Variants in FAM76A observed in about 807,000 individuals in gnomAD.
FAM76A encodes family with sequence similarity 76 member A, also known as protein FAM76A.
A neutral mutation model predicts 46.2 loss-of-function variants in FAM76A; 32 were observed. The ratio of observed to expected loss-of-function variants is 0.69; its 90% CI spans 0.52 to 0.93. The LOEUF (loss-of-function observed/expected upper bound fraction) is 0.93. Ranked by LOEUF, FAM76A falls within the 40% of genes least tolerant of loss-of-function variation. FAM76A has a pLI of 0.00. For missense variants in FAM76A, 274 were observed against 361.5 expected (o/e 0.76, Z 1.96); for synonymous variants, 137 against 127.0 (o/e 1.08, Z -0.53).
rs762443177 is a variant in FAM76A at position 27,744,704 on chromosome 1, C to T, written c.405C>T (p.Val135=). The T allele has an allele frequency of 3.9e-5, 63 of 1,614,038 alleles. No individual in the cohort carries two copies. The South Asian group carries it at 6.3e-4, about 16-fold the overall frequency. The stretch of plus-strand genomic sequence containing the variant: ...TGTGCACACTTTCATACAAACGGGT[C>T]CTTCAGAAGACCAAAGAGCAGAGGA... ...CWLCTLSYKR[V]LQKTKEQRKH... The change falls in exon 5 of 9, where the codon GTC becomes GTT. Residue 135 remains valine (V), a synonymous_variant. Transcript: ENST00000373954.
chr1:27,748,064 C>T (rs1289363297), intron 5 of FAM76A, among the ~76,000 whole-genome samples: 1 of 150,768 alleles, frequency 6.6e-6, no homozygotes, highest in Non-Finnish European at 1.5e-5. Context: ...GAAATAATAA[C>T]TTATCTATAC....
At chr1:27,736,717 A>G (rs2088051592) in intron 4 of FAM76A, among the ~76,000 whole-genome samples, 1 of 151,966 alleles carries the variant, frequency 6.6e-6, no homozygotes, top group Non-Finnish European at 1.5e-5. Context: ...CCTCCAGAGC[A>G]GCTGGGATTA....
chr1:27,760,053 G>A (rs575900320), intron 8 of FAM76A: 53 of 454,560 alleles, frequency 1.2e-4, no homozygotes, highest in African/African-American at 6.8e-4. Flanking sequence ...GATTACAGGC[G>A]TGAGCCACCA....
At chr1:27,732,310 A>G (rs1347053230) in intron 2 of FAM76A, among the ~76,000 whole-genome samples, 1 of 152,118 alleles carries the variant, frequency 6.6e-6, no homozygotes, top group East Asian at 1.9e-4. Context: ...CGCGCCTATG[A>G]TTCCAGCTAC....
At chr1:27,727,399 C>A in intron 1 of FAM76A, 73 bp from the exon 2 acceptor site, 1 of 1,208,660 alleles carries the variant, frequency 8.3e-7, no homozygotes. Flanking sequence ...AAATAGTACC[C>A]AGGTCGGCTT....
rs1028890815 is a variant in FAM76A at position 27,740,169 on chromosome 1, C to A, written c.355-4485C>A. The A allele has an allele frequency of 2.0e-5, 11 of 543,272 alleles. No individual in the cohort carries two copies. The Admixed American group carries it at 2.7e-4, about 13-fold the overall frequency. 33.7% of individuals were successfully genotyped at this position (543,272 alleles called of 1,614,324 possible). A position where few individuals can be genotyped will look rare whatever the true frequency, so the allele number is the denominator to read the frequency against. On this transcript the variant is annotated intron_variant, in intron 4 of 8. Coordinates refer to ENST00000373954, the MANE Select transcript of FAM76A (RefSeq NM_152660.3). The stretch of plus-strand genomic sequence containing the variant: ...TGACATACATGTGATGGTGTCCAAG[C>A]TGGAACAGTGGGTAAAATCAATAGC...
chr1:27,753,199 A>T (rs558036676), intron 6 of FAM76A, among the ~76,000 whole-genome samples: 1 of 152,278 alleles, frequency 6.6e-6, no homozygotes, highest in East Asian at 1.9e-4. Flanking sequence ...AAGAGAAAAG[A>T]GAGAGTTAGT....
intron 4 of FAM76A, among the ~76,000 whole-genome samples, chr1:27,736,346 A>G (rs1056166978): frequency 2.0e-5 from 3 of 152,110 alleles, no homozygotes; most frequent in Non-Finnish European, 4.4e-5. Context: ...CGGGGAGGGT[A>G]TCTGGACTCA....
chr1:27,731,273 G>A (rs553740673), intron 2 of FAM76A, among the ~76,000 whole-genome samples: 2 of 138,398 alleles, frequency 1.4e-5, no homozygotes, highest in East Asian at 4.3e-4. Flanking sequence ...GCGCAATCTT[G>A]GCTCACTGCA....
rs1393003821 is a variant in FAM76A, at chr1:27,760,381, A to C, written c.838-114A>C. The stretch of plus-strand genomic sequence containing the variant: ...TTGTTTTCCACCTCTAGAATTGTTC[A>C]TCTCTTTCTGACCCTCCACATTGTC... On this transcript the variant is annotated intron_variant, in intron 8 of 8. Coordinates refer to ENST00000373954, the MANE Select transcript of FAM76A (RefSeq NM_152660.3). 3 of 747,618 alleles carry C rather than the reference A, an allele frequency of 4.0e-6. No homozygotes were observed. The East Asian group carries it at 9.7e-5, about 24-fold the overall frequency. 46.3% of individuals were successfully genotyped at this position (747,618 alleles called of 1,614,324 possible). A position where few individuals can be genotyped will look rare whatever the true frequency, so the allele number is the denominator to read the frequency against.
chr1:27,727,762 A>G (rs551419104), intron 2 of FAM76A, among the ~76,000 whole-genome samples: 5 of 150,290 alleles, frequency 3.3e-5, no homozygotes, highest in Admixed American at 1.3e-4. Flanking sequence ...TATATAATAC[A>G]TGTATTGTTT....
At chr1:27,739,577 A>G (rs1006601353) in intron 4 of FAM76A, 10 of 314,982 alleles carry the variant, frequency 3.2e-5, no homozygotes, top group Non-Finnish European at 6.1e-5. Flanking sequence ...ACTTGAGCCC[A>G]GGAGTTGGAG....
Position 27,734,537 on chromosome 1 carries a change from ACT to A in FAM76A, c.354+357_354+358del, listed in dbSNP as rs747959140. ...ACTCCAGCCTGAGTGACAGAGCAAG[ACT>A]CTATCTCAAAACAAAAAAACAAAAA... On this transcript the variant is annotated intron_variant, in intron 4 of 8. Transcript: ENST00000373954. Among the ~76,000 whole-genome samples the A allele has an allele frequency of 2.6e-5, 4 of 152,262 alleles. No individual in the cohort carries two copies. In the South Asian group the frequency reaches 6.2e-4, roughly 24 times the overall value.
intron 4 of FAM76A, among the ~76,000 whole-genome samples, chr1:27,738,498 ATAT>A (rs2088095094): frequency 6.6e-6 from 1 of 151,740 alleles, no homozygotes; most frequent in Non-Finnish European, 1.5e-5. Context: ...AATAATAATA[ATAT>A]TAATAATAAT....
Position 27,760,665 on chromosome 1 carries a change from C to A in FAM76A, c.*84C>A. 2 of 918,910 alleles carry A rather than the reference C, an allele frequency of 2.2e-6. No individual in the cohort carries two copies. Among genetic ancestry groups the A allele is most frequent in the Non-Finnish European group, 3.3e-6 (2 of 606,404 alleles). 56.9% of individuals were successfully genotyped at this position (918,910 alleles called of 1,614,324 possible). A position where few individuals can be genotyped will look rare whatever the true frequency, so the allele number is the denominator to read the frequency against. ...AGACCTGGCTGTTCTGTGGGAATTG[C>A]AAGCTTTCTTAAGAAATCTCTATTT... On this transcript the variant is annotated 3_prime_UTR_variant, in exon 9 of 9. Coordinates refer to ENST00000373954, the MANE Select transcript of FAM76A (RefSeq NM_152660.3).
At chr1:27,744,531 C>A in intron 4 of FAM76A, 123 bp from the exon 5 acceptor site, 1 of 1,000,368 alleles carries the variant, frequency 1.0e-6, no homozygotes, top group Non-Finnish European at 1.5e-6. Flanking sequence ...TGTGACATGC[C>A]CAAAGTCACA....
chr1:27,738,193 C>G, intron 4 of FAM76A, among the ~76,000 whole-genome samples: 1 of 151,816 alleles, frequency 6.6e-6, no homozygotes. Flanking sequence ...GACTTTGTCT[C>G]TAAAAAAATA....
Position 27,732,619 on chromosome 1 carries a change from T to A in FAM76A, c.163T>A (p.Cys55Ser). 6.2e-7 allele frequency: 1 copy of A among 1,609,304 alleles called. No individual in the cohort carries two copies. The highest frequency in any genetic ancestry group is 8.5e-7 in the Non-Finnish European group (1 of 1,176,466). The change falls in exon 3 of 9, where the codon TGC (cysteine) becomes AGC (serine). Residue 55 changes from cysteine to serine, a missense_variant. Physicochemically the swap from Cys to Ser is moderately radical, Grantham distance 112. Coordinates refer to ENST00000373954, the MANE Select transcript of FAM76A (RefSeq NM_152660.3). ...CCTTAACAGTAAAACCAATACAATA[T>A]GCAAGAAATGTGCTCAGAACGTGCA... Reference protein sequence around the residue: ...YQQESKTNTICKKCAQNVQLY... With the variant: ...YQQESKTNTISKKCAQNVQLY...
At chr1:27,734,956 C>T (rs142813724) in intron 4 of FAM76A, among the ~76,000 whole-genome samples, 16 of 152,242 alleles carry the variant, frequency 1.1e-4, no homozygotes, top group African/African-American at 3.4e-4. Context: ...TCATATTACT[C>T]TCTTGCTTAA....
Sources: allele counts gnomAD v4.1 joint callset (sites outside exome capture counted in the v4.1 genomes callset), GRCh38; gene constraint gnomAD v4.1.1; transcripts MANE v1.5; gene names NCBI Gene and HGNC (gene_info 2026-07-23, HGNC 2026-07-21).